Variants in CSMD3 observed in about 807,000 individuals in gnomAD.
CSMD3 encodes the protein CUB and sushi domain-containing protein 3.
A neutral mutation model predicts 435.2 loss-of-function variants in CSMD3; 177 were observed. That is an observed-to-expected ratio of 0.41 (90% CI 0.36 to 0.46). CSMD3 has a LOEUF of 0.46. Ranked by LOEUF, CSMD3 falls within the 20% of genes least tolerant of loss-of-function variation. CSMD3 has a pLI of 0.34. For synonymous variants in CSMD3, 1,656 were observed against 1,520.5 expected, an observed-to-expected ratio of 1.09 and a Z score of -2.07; for missense variants, 4,265 against 4,504.6, an observed-to-expected ratio of 0.95 and a Z score of 1.52.
chr8:113,232,063 T>G (rs1218718268), intron 3 of CSMD3, among the ~76,000 whole-genome samples: 2 of 151,506 alleles, frequency 1.3e-5, no homozygotes, highest in Non-Finnish European at 3.0e-5. Flanking sequence ...CACAAAGAAT[T>G]TATACCCTTG....
intron 36 of CSMD3, 130 bp from the exon 37 acceptor site, chr8:112,383,793 T>C (rs1829690028): frequency 1.4e-6 from 1 of 699,832 alleles, no homozygotes. Context: ...CATAGAAGGG[T>C]TTTTAACAGA....
At chr8:112,355,697 G>A (rs980474844) in intron 38 of CSMD3, among the ~76,000 whole-genome samples, 4 of 152,092 alleles carry the variant, frequency 2.6e-5, no homozygotes, top group Non-Finnish European at 5.9e-5. Flanking sequence ...GCCAGGCGTG[G>A]TGGCAGGTGC....
chr8:113,222,310 CTCT>C (rs886365508), intron 3 of CSMD3, among the ~76,000 whole-genome samples: 5 of 150,926 alleles, frequency 3.3e-5, no homozygotes, highest in African/African-American at 4.8e-5. Context: ...GGGAAGATCT[CTCT>C]TCTTCTTTTA....
At chr8:112,986,675 A>G (rs572789286) in intron 6 of CSMD3, among the ~76,000 whole-genome samples, 1 of 152,138 alleles carries the variant, frequency 6.6e-6, no homozygotes, top group Non-Finnish European at 1.5e-5. Context: ...CATATAAAAA[A>G]GTCAGCTTTC....
chr8:112,531,621 A>G (rs943461639), intron 27 of CSMD3, among the ~76,000 whole-genome samples: 1 of 152,174 alleles, frequency 6.6e-6, no homozygotes, highest in African/African-American at 2.4e-5. Flanking sequence ...ATAGAAGTCC[A>G]CTAGATGGTT....
intron 4 of CSMD3, among the ~76,000 whole-genome samples, chr8:113,137,324 A>G (rs140257520): frequency 1.9e-3 from 290 of 151,828 alleles, no homozygotes; most frequent in African/African-American, 6.2e-3. Context: ...GGATTACTTA[A>G]TATCCTGTTT....
intron 22 of CSMD3, among the ~76,000 whole-genome samples, chr8:112,608,415 A>G (rs555990703): frequency 2.3e-3 from 351 of 152,260 alleles, no homozygotes; most frequent in African/African-American, 8.0e-3. Flanking sequence ...AAATTCCAAT[A>G]GCATTTTACA....
intron 3 of CSMD3, among the ~76,000 whole-genome samples, chr8:113,221,613 A>T (rs545007668): frequency 1.3e-5 from 2 of 151,278 alleles, no homozygotes; most frequent in East Asian, 1.9e-4. Context: ...TTACTACTTT[A>T]TTCTACCATG....
At chr8:112,824,585 A>C (rs2079622429) in intron 12 of CSMD3, among the ~76,000 whole-genome samples, 1 of 152,174 alleles carries the variant, frequency 6.6e-6, no homozygotes, top group Non-Finnish European at 1.5e-5. Flanking sequence ...CTGGAAATAA[A>C]ATTCTGGATT....
intron 45 of CSMD3, among the ~76,000 whole-genome samples, chr8:112,333,108 A>G (rs1824217804): frequency 6.6e-6 from 1 of 152,170 alleles, no homozygotes; most frequent in African/African-American, 2.4e-5. Flanking sequence ...AACTTGTCCA[A>G]GGTCAAATAG....
At chr8:112,921,600 T>A (rs368950170) in intron 10 of CSMD3, 27 bp downstream of exon 10, 54 of 1,590,904 alleles carry the variant, frequency 3.4e-5, no homozygotes, top group East Asian at 6.7e-5. Context: ...TAAAATGTGT[T>A]CAGAGGGCAT....
intron 22 of CSMD3, among the ~76,000 whole-genome samples, chr8:112,589,433 G>A (rs1830990239): frequency 6.6e-6 from 1 of 152,014 alleles, no homozygotes. Context: ...AAATTATTAT[G>A]GTTCTTTTCA....
At chr8:113,034,128 C>T (rs1028109697) in intron 5 of CSMD3, among the ~76,000 whole-genome samples, 1 of 151,528 alleles carries the variant, frequency 6.6e-6, no homozygotes, top group Non-Finnish European at 1.5e-5. Context: ...TCATTAGTAT[C>T]TTCTGAGGAG....
At position 112,304,778 on chromosome 8, in the gene CSMD3, T is replaced by C. The variant is rs147107017; in HGVS notation, c.8209A>G (p.Ile2737Val). ...CAAGTACCATTAGGAAGACATTCGA[T>C]GGAGGCAGGACCTAGTCCATGATAA... is the stretch of plus-strand genomic sequence containing the variant. ...PGYHGLGPASIECLPNGTWSW... is the reference protein window; with the variant it reads ...PGYHGLGPASVECLPNGTWSW... Residue 2737 changes from isoleucine to valine, a missense_variant, in exon 52 of 71, where the codon ATC (isoleucine) becomes GTC (valine). Physicochemically the swap from Ile to Val is conservative, Grantham distance 29 (BLOSUM62 3). Transcript: ENST00000297405. 2.5e-5 allele frequency: 41 copies of C among 1,613,912 alleles called. No individual in the cohort carries two copies. In the African/African-American group the frequency reaches 4.7e-4, roughly 18 times the overall value.
intron 1 of CSMD3, among the ~76,000 whole-genome samples, chr8:113,398,228 G>C (rs567896351): frequency 6.6e-6 from 1 of 152,066 alleles, no homozygotes; most frequent in South Asian, 2.1e-4. Flanking sequence ...TTTTGCTTAA[G>C]GTATGAAATA....
chr8:113,098,002 T>C (rs1164465868), intron 5 of CSMD3, among the ~76,000 whole-genome samples: 2 of 152,072 alleles, frequency 1.3e-5, no homozygotes, highest in Admixed American at 6.6e-5. Flanking sequence ...TAAGTGATCT[T>C]CCTACAGCGA....
chr8:112,693,562 TCTC>T (rs1292678001), intron 13 of CSMD3, among the ~76,000 whole-genome samples: 22 of 152,044 alleles, frequency 1.4e-4, no homozygotes, highest in East Asian at 5.8e-4. Flanking sequence ...ATCTGCCCCT[TCTC>T]CTCCATTCTT....
intron 9 of CSMD3, among the ~76,000 whole-genome samples, chr8:112,924,097 AG>A (rs1357443286): frequency 2.0e-5 from 3 of 152,170 alleles, no homozygotes; most frequent in African/African-American, 7.2e-5. Context: ...ACAACTTTCT[AG>A]GCCATGATAA....
intron 1 of CSMD3, among the ~76,000 whole-genome samples, chr8:113,394,244 G>C (rs967289410): frequency 2.0e-5 from 3 of 151,438 alleles, no homozygotes; most frequent in African/African-American, 7.3e-5. Context: ...AGTTAAACAG[G>C]ATTACTGTTT....
Sources: gnomAD v4.1 joint callset for allele counts (sites outside exome capture counted in the v4.1 genomes callset) on GRCh38, gnomAD v4.1.1 for gene constraint, MANE v1.5 for transcripts, NCBI Gene and HGNC (gene_info 2026-07-23, HGNC 2026-07-21) for gene names.